Variants in ZDHHC2 observed in about 807,000 individuals in gnomAD.
The protein encoded by ZDHHC2 is zDHHC palmitoyltransferase 2.
Under a neutral mutation model 55.6 loss-of-function variants are expected in ZDHHC2, and 51 were observed. The ratio of observed to expected loss-of-function variants is 0.92; its 90% CI spans 0.73 to 1.16. The LOEUF is 1.16. ZDHHC2 is among the 50% of genes most tolerant of loss of function. The pLI, the probability that ZDHHC2 is intolerant of heterozygous loss-of-function variation, is 0.00. For synonymous variants in ZDHHC2, 199 were observed against 152.9 expected (o/e 1.30, Z -2.22); for missense variants, 491 against 442.4 (o/e 1.11, Z -0.99).
chr8:17,187,942 TATGTC>T (rs1805800874), intron 3 of ZDHHC2, among the ~76,000 whole-genome samples: 1 of 152,244 alleles, frequency 6.6e-6, no homozygotes, highest in African/African-American at 2.4e-5. Context: ...ATCTGTTTCT[TATGTC>T]AGTTAATGGG....
intron 3 of ZDHHC2, among the ~76,000 whole-genome samples, chr8:17,193,187 C>T (rs147977607): frequency 6.6e-6 from 1 of 152,240 alleles, no homozygotes; most frequent in African/African-American, 2.4e-5. Flanking sequence ...TATTTGTCCT[C>T]CTTGGGAAGG....
intron 1 of ZDHHC2, among the ~76,000 whole-genome samples, chr8:17,166,668 C>G (rs888553545): frequency 1.3e-5 from 2 of 152,090 alleles, no homozygotes; most frequent in African/African-American, 4.8e-5. Flanking sequence ...GAGTAGGAAC[C>G]AGCAAAGAAG....
At chr8:17,202,755 A>G (rs1286345098) in intron 6 of ZDHHC2, among the ~76,000 whole-genome samples, 2 of 151,346 alleles carry the variant, frequency 1.3e-5, no homozygotes, top group Non-Finnish European at 2.9e-5. Flanking sequence ...ACACACACAC[A>G]TATACATGCA....
intron 1 of ZDHHC2, 93 bp from the exon 2 acceptor site, chr8:17,184,696 C>A: frequency 9.8e-7 from 1 of 1,021,978 alleles, no homozygotes; most frequent in South Asian, 1.6e-5. Context: ...GAAGGGAAGC[C>A]ACATTATTAA....
At position 17,223,138 on chromosome 8, in the gene ZDHHC2, C is replaced by G. The variant is rs564982266; in HGVS notation, c.*2917C>G. The G allele has an allele frequency of 6.6e-6, 1 of 151,914 alleles. No individual in the cohort carries two copies. Among genetic ancestry groups the G allele is most frequent in the South Asian group, 2.1e-4 (1 of 4,818 alleles). 9.4% of individuals were successfully genotyped at this position (151,914 alleles called of 1,614,324 possible). On this transcript the variant is annotated 3_prime_UTR_variant, in exon 13 of 13. Coordinates refer to ENST00000262096, the MANE Select transcript of ZDHHC2 (RefSeq NM_016353.5). ...TATGTTATAAACTAGCAGATTTTCC[C>G]TATTTTGAAATGCATGTAAACGGGC...
intron 1 of ZDHHC2, among the ~76,000 whole-genome samples, chr8:17,161,089 A>G (rs959544162): frequency 1.3e-5 from 2 of 152,188 alleles, no homozygotes; most frequent in African/African-American, 4.8e-5. Flanking sequence ...CTTTTAAACA[A>G]ACAAGAAAAC....
chr8:17,177,348 AG>A (rs1805193034), intron 1 of ZDHHC2, among the ~76,000 whole-genome samples: 1 of 152,204 alleles, frequency 6.6e-6, no homozygotes, highest in South Asian at 2.1e-4. Context: ...TCCTGTGAAA[AG>A]GCCAGAAAGT....
chr8:17,158,794 G>C (rs1804193198), intron 1 of ZDHHC2, among the ~76,000 whole-genome samples: 1 of 151,790 alleles, frequency 6.6e-6, no homozygotes, highest in Admixed American at 6.6e-5. Context: ...TGCCTGCCTG[G>C]CGCAATGCCT....
intron 3 of ZDHHC2, among the ~76,000 whole-genome samples, chr8:17,195,137 G>GA (rs1222074794): frequency 1.3e-5 from 2 of 152,102 alleles, no homozygotes; most frequent in Non-Finnish European, 2.9e-5. Context: ...TGATCTAAAT[G>GA]AAAAATTTAT....
intron 4 of ZDHHC2, among the ~76,000 whole-genome samples, chr8:17,197,020 A>G (rs1281259994): frequency 1.3e-5 from 2 of 152,174 alleles, no homozygotes; most frequent in African/African-American, 4.8e-5. Context: ...CCTGGTTAAT[A>G]TTGTGACCTT....
intron 10 of ZDHHC2, among the ~76,000 whole-genome samples, chr8:17,212,910 C>G (rs59674627): frequency 6.1e-4 from 93 of 151,934 alleles, no homozygotes; most frequent in African/African-American, 2.1e-3. Flanking sequence ...TTGCCCAGGC[C>G]GGAGTGCAGT....
intron 6 of ZDHHC2, among the ~76,000 whole-genome samples, chr8:17,198,830 AAGG>A (rs1806461140): frequency 6.6e-6 from 1 of 152,232 alleles, no homozygotes; most frequent in Non-Finnish European, 1.5e-5. Flanking sequence ...ATTTGACATT[AAGG>A]AGTAGAATAC....
At chr8:17,199,465 ACTTCTTCTT>A (rs377014817) in intron 6 of ZDHHC2, among the ~76,000 whole-genome samples, 6,569 of 98,452 alleles carry the variant, frequency 0.067, 542 homozygotes, top group African/African-American at 0.21. Context: ...CTTTAATAAG[ACTTCTTCTT>A]CTTCTTCTTC....
At chr8:17,184,447 A>T (rs544204116) in intron 1 of ZDHHC2, among the ~76,000 whole-genome samples, 1 of 152,344 alleles carries the variant, frequency 6.6e-6, no homozygotes, top group South Asian at 2.1e-4. Flanking sequence ...TGACCTGGAG[A>T]GCATTGCTTT....
At chr8:17,213,908 G>C (rs1035181207) in intron 10 of ZDHHC2, among the ~76,000 whole-genome samples, 1 of 152,014 alleles carries the variant, frequency 6.6e-6, no homozygotes, top group East Asian at 1.9e-4. Context: ...TGTTTTTTAA[G>C]ATTTACCTCC....
intron 1 of ZDHHC2, among the ~76,000 whole-genome samples, chr8:17,184,038 G>C (rs1805573714): frequency 6.6e-6 from 1 of 152,170 alleles, no homozygotes; most frequent in African/African-American, 2.4e-5. Context: ...AGTCAGACTT[G>C]CTACAGCTGA....
chr8:17,179,745 A>T (rs1805337349), intron 1 of ZDHHC2, among the ~76,000 whole-genome samples: 1 of 152,142 alleles, frequency 6.6e-6, no homozygotes, highest in African/African-American at 2.4e-5. Context: ...TACTTTTGGC[A>T]AACAGGAACA....
At chr8:17,205,355 C>A (rs541718663) in intron 6 of ZDHHC2, among the ~76,000 whole-genome samples, 3 of 152,140 alleles carry the variant, frequency 2.0e-5, no homozygotes, top group Non-Finnish European at 4.4e-5. Context: ...TGGCCTGATA[C>A]GGTTTCTCGC....
intron 12 of ZDHHC2, among the ~76,000 whole-genome samples, chr8:17,217,663 A>G (rs1049440159): frequency 3.3e-5 from 5 of 152,202 alleles, no homozygotes; most frequent in Non-Finnish European, 7.4e-5. Context: ...TCGAAGTGCA[A>G]TATAATTATA....
Sources: gnomAD v4.1 joint callset for allele counts (sites outside exome capture counted in the v4.1 genomes callset) on GRCh38, gnomAD v4.1.1 for gene constraint, MANE v1.5 for transcripts, NCBI Gene and HGNC (gene_info 2026-07-23, HGNC 2026-07-21) for gene names.